Variants in MALRD1 observed in about 807,000 individuals in gnomAD.
MALRD1 encodes the protein MAM and LDL receptor class A domain containing 1.
Under a neutral mutation model 242.1 loss-of-function variants are expected in MALRD1, and 247 were observed. The observed-to-expected ratio is 1.02, with a 90% confidence interval of 0.92 to 1.13. MALRD1 has a LOEUF of 1.13. Among genes scored for constraint, MALRD1 ranks in the 50% most tolerant of loss-of-function variants. The pLI is 0.00. For missense variants in MALRD1, 2,989 were observed against 2,533.1 expected (o/e 1.18, Z -3.86); for synonymous variants, 995 against 866.6 (o/e 1.15, Z -2.60).
chr10:19,121,509 G>C (rs2131375535), intron 5 of MALRD1, among the ~76,000 whole-genome samples: 1 of 152,332 alleles, frequency 6.6e-6, no homozygotes, highest in Admixed American at 6.5e-5. Context: ...AAGTTAGTTG[G>C]AGAAGGTTGT....
chr10:19,665,236 A>G (rs1325953051), intron 36 of MALRD1, among the ~76,000 whole-genome samples: 1 of 152,118 alleles, frequency 6.6e-6, no homozygotes, highest in Non-Finnish European at 1.5e-5. Flanking sequence ...CAGAGAAGTG[A>G]CAAGACAAAA....
chr10:19,636,881 AGAGT>A, intron 36 of MALRD1, among the ~76,000 whole-genome samples: 2 of 148,852 alleles, frequency 1.3e-5, no homozygotes, highest in African/African-American at 5.0e-5. Flanking sequence ...CCTGGGTGAC[AGAGT>A]GAGACTCTGT....
intron 36 of MALRD1, among the ~76,000 whole-genome samples, chr10:19,672,720 G>A (rs115364502): frequency 6.0e-4 from 92 of 152,084 alleles, no homozygotes; most frequent in African/African-American, 2.0e-3. Context: ...CACTGGAGCC[G>A]ACCAATATAT....
At chr10:19,407,586 G>C (rs1304604380) in intron 28 of MALRD1, among the ~76,000 whole-genome samples, 1 of 152,108 alleles carries the variant, frequency 6.6e-6, no homozygotes, top group African/African-American at 2.4e-5. Context: ...AGAGGAAATA[G>C]AAAAGGCAAC....
chr10:19,727,042 A>T (rs1589449801), intron 38 of MALRD1, among the ~76,000 whole-genome samples: 1 of 152,358 alleles, frequency 6.6e-6, no homozygotes, highest in East Asian at 1.9e-4. Flanking sequence ...TGTGAGTGGA[A>T]TTAATGGCAT....
chr10:19,722,646 T>C (rs1055086595), intron 38 of MALRD1: 2 of 112,986 alleles, frequency 1.8e-5, no homozygotes, highest in Non-Finnish European at 3.8e-5. Flanking sequence ...AATACTACAG[T>C]GATTATTAAT....
At chr10:19,256,981 A>G (rs1298674216) in intron 18 of MALRD1, among the ~76,000 whole-genome samples, 1 of 152,136 alleles carries the variant, frequency 6.6e-6, no homozygotes, top group Non-Finnish European at 1.5e-5. Flanking sequence ...AAAATAATTC[A>G]TCATGATCAA....
intron 32 of MALRD1, among the ~76,000 whole-genome samples, chr10:19,564,396 A>G: frequency 6.6e-6 from 1 of 152,256 alleles, no homozygotes; most frequent in South Asian, 2.1e-4. Context: ...GTTCTACATT[A>G]TAAGCAGTAG....
chr10:19,608,499 G>A (rs1838740521), intron 35 of MALRD1, among the ~76,000 whole-genome samples: 1 of 151,756 alleles, frequency 6.6e-6, no homozygotes, highest in African/African-American at 2.4e-5. Context: ...CATCTCTCCT[G>A]AGTAGATGAT....
intron 18 of MALRD1, 71 bp from the exon 19 acceptor site, chr10:19,257,613 C>A: frequency 8.8e-7 from 1 of 1,139,236 alleles, no homozygotes. Context: ...CCTCTTCATC[C>A]ATTCCATAAC....
chr10:19,502,090 C>G (rs1838004744), intron 31 of MALRD1, among the ~76,000 whole-genome samples: 1 of 151,014 alleles, frequency 6.6e-6, no homozygotes, highest in Admixed American at 6.6e-5. Context: ...AAAAGAAAAT[C>G]CAGTATACAT....
intron 25 of MALRD1, among the ~76,000 whole-genome samples, chr10:19,350,426 A>T (rs889042825): frequency 6.7e-6 from 1 of 150,190 alleles, no homozygotes; most frequent in South Asian, 2.1e-4. Context: ...GCACACCACC[A>T]CTCCTAGCTG....
intron 33 of MALRD1, among the ~76,000 whole-genome samples, chr10:19,585,472 C>A (rs199567345): frequency 2.6e-5 from 4 of 151,888 alleles, no homozygotes; most frequent in African/African-American, 9.7e-5. Flanking sequence ...TTTTATTTCT[C>A]CTTCATTTAT....
chr10:19,446,225 T>C (rs1834972005), intron 28 of MALRD1, among the ~76,000 whole-genome samples: 2 of 152,064 alleles, frequency 1.3e-5, no homozygotes, highest in Non-Finnish European at 2.9e-5. Context: ...CCCCAGTCGC[T>C]TGTGGTTCCC....
At chr10:19,081,934 T>A (rs996244456) in intron 2 of MALRD1, among the ~76,000 whole-genome samples, 1 of 152,008 alleles carries the variant, frequency 6.6e-6, no homozygotes, top group Non-Finnish European at 1.5e-5. Context: ...TATGGTTAGA[T>A]CATGTTTTTA....
intron 19 of MALRD1, among the ~76,000 whole-genome samples, chr10:19,269,806 G>A (rs927558887): frequency 1.3e-5 from 2 of 152,176 alleles, no homozygotes; most frequent in African/African-American, 4.8e-5. Flanking sequence ...ATGAGAATAG[G>A]ACTAAGAATT....
intron 19 of MALRD1, among the ~76,000 whole-genome samples, chr10:19,275,938 T>C (rs1840500374): frequency 6.6e-6 from 1 of 152,220 alleles, no homozygotes; most frequent in East Asian, 1.9e-4. Context: ...TTAAGACTTT[T>C]ACTGTTCTAG....
chr10:19,623,949 T>G (rs1839524038), intron 36 of MALRD1, among the ~76,000 whole-genome samples: 1 of 152,142 alleles, frequency 6.6e-6, no homozygotes, highest in Non-Finnish European at 1.5e-5. Context: ...AAAAAAAGAT[T>G]CATTTATTTA....
chr10:19,537,084 A>G (rs1365557254), intron 32 of MALRD1, among the ~76,000 whole-genome samples: 2 of 152,216 alleles, frequency 1.3e-5, no homozygotes, highest in African/African-American at 4.8e-5. Flanking sequence ...CTGGAACAAC[A>G]TAGACAAGAG....
Sources: gnomAD v4.1 joint callset for allele counts (sites outside exome capture counted in the v4.1 genomes callset) on GRCh38, gnomAD v4.1.1 for gene constraint, MANE v1.5 for transcripts, NCBI Gene and HGNC (gene_info 2026-07-23, HGNC 2026-07-21) for gene names.